EVC2: variants seen among roughly 807,000 people sequenced by gnomAD.
EVC2 encodes EvC ciliary complex subunit 2.
EVC2 carries 148 observed loss-of-function variants against 149.3 expected under a neutral mutation model. The observed-to-expected ratio is 0.99, with a 90% confidence interval of 0.87 to 1.14. The LOEUF (loss-of-function observed/expected upper bound fraction) is 1.14, where lower values mean the gene tolerates loss of function less well. Among genes scored for constraint, EVC2 ranks in the 50% most tolerant of loss-of-function variants. EVC2 has a pLI of 0.00. For synonymous variants in EVC2, 776 were observed against 649.9 expected, an observed-to-expected ratio of 1.19 and a Z score of -2.95; for missense variants, 1,854 against 1,627.3, an observed-to-expected ratio of 1.14 and a Z score of -2.40.
chr4:5,538,590 A>C (rs1721461078), downstream of EVC2, among the ~76,000 whole-genome samples: 1 of 152,180 alleles, frequency 6.6e-6, no homozygotes, highest in Non-Finnish European at 1.5e-5. Context: ...GCAAATAGAA[A>C]CTAACAATAG....
chr4:5,644,638 T>A (rs1717580681), intron 9 of EVC2, among the ~76,000 whole-genome samples: 1 of 152,192 alleles, frequency 6.6e-6, no homozygotes, highest in South Asian at 2.1e-4. Flanking sequence ...TCAGTGGTAA[T>A]AAATATCTTT....
Position 5,679,906 on chromosome 4 carries a change from GTTCCT to G in EVC2, c.870+1349_870+1353del, listed in dbSNP as rs1339808145. Among the ~76,000 whole-genome samples the G allele has an allele frequency of 1.3e-5, 2 of 151,954 alleles. No individual in the cohort carries two copies. The highest frequency in any genetic ancestry group is 1.5e-5 in the Non-Finnish European group (1 of 68,024). On this transcript the variant is annotated intron_variant, in intron 7 of 21. Transcript: ENST00000344408. This position sits in a 1 kb window ranked among gnomAD's most constrained non-coding sequence, Gnocchi z 5.1. ...CACACTGTACAGCTATACAAAAATA[GTTCCT>G]TTCTTTATATCCTTACTCTGTAAGC...
chr4:5,619,894 T>A lies in EVC2; in HGVS notation c.2502-1212A>T, dbSNP rs114274253. Among the ~76,000 whole-genome samples, 189 of 152,348 alleles carry A rather than the reference T, an allele frequency of 1.2e-3. 1 individual carries two copies. The highest frequency in any genetic ancestry group is 1.9e-3 in the Admixed American group (29 of 15,306). ...TAGATGTGTTTGAATGTTCTGGTAA[T>A]GTTCTGTCAATGCAGCCAGCATTGA... is the stretch of plus-strand genomic sequence containing the variant. On this transcript the variant is annotated intron_variant, in intron 14 of 21. Transcript: ENST00000344408.
chr4:5,659,933 CTTTTCA>C (rs1212649217), intron 9 of EVC2, among the ~76,000 whole-genome samples: 1 of 152,198 alleles, frequency 6.6e-6, no homozygotes, highest in Non-Finnish European at 1.5e-5. Flanking sequence ...TTTCACTCTA[CTTTTCA>C]TTTTCATGTT....
At chr4:5,695,241 G>A (rs1293072778) in intron 2 of EVC2, among the ~76,000 whole-genome samples, 1 of 151,928 alleles carries the variant, frequency 6.6e-6, no homozygotes, top group Non-Finnish European at 1.5e-5. Context: ...CCAGCTATTC[G>A]GGAGGGTGAG....
In EVC2 at chr4:5,679,742, C is replaced by T. The variant is rs746094360; in HGVS notation, c.870+1518G>A. Among the ~76,000 whole-genome samples, 2 of 151,976 alleles carry T rather than the reference C, an allele frequency of 1.3e-5. No individual in the cohort carries two copies. The highest frequency in any genetic ancestry group is 1.5e-5 in the Non-Finnish European group (1 of 68,018). The stretch of plus-strand genomic sequence containing the variant: ...ATCAACCTGTCATCTAGGTTTTAAG[C>T]CCCACATGTAATTGCCCTTGCCCCC... On this transcript the variant is annotated intron_variant, in intron 7 of 21. Transcript: ENST00000344408. This position sits in a 1 kb window ranked among gnomAD's most constrained non-coding sequence, Gnocchi z 5.1.
chr4:5,572,487 G>A (rs1722697771), intron 19 of EVC2, among the ~76,000 whole-genome samples: 1 of 152,080 alleles, frequency 6.6e-6, no homozygotes, highest in Non-Finnish European at 1.5e-5. Context: ...GCCACATAAG[G>A]ACCCGGCTTT....
At chr4:5,544,487 C>T (rs1240264369) in intron 21 of EVC2, among the ~76,000 whole-genome samples, 1 of 152,182 alleles carries the variant, frequency 6.6e-6, no homozygotes, top group African/African-American at 2.4e-5. Flanking sequence ...ACTCATTAGC[C>T]TTCAAAACAA....
At chr4:5,707,864 A>G (rs1722317156) in intron 1 of EVC2, among the ~76,000 whole-genome samples, 1 of 152,082 alleles carries the variant, frequency 6.6e-6, no homozygotes, top group South Asian at 2.1e-4. Context: ...CCCACTTTTA[A>G]AAACCGCTGC....
intron 21 of EVC2, among the ~76,000 whole-genome samples, chr4:5,549,737 T>TAACTGAATG (rs551584545): frequency 1.2e-3 from 177 of 152,174 alleles, no homozygotes; most frequent in African/African-American, 4.1e-3. Flanking sequence ...TAGAAGTAAA[T>TAACTGAATG]AACTGAATGA....
chr4:5,532,478 C>A, the EVC2 span, among the ~76,000 whole-genome samples: 1 of 152,190 alleles, frequency 6.6e-6, no homozygotes, highest in African/African-American at 2.4e-5. Context: ...CCCAGTATCA[C>A]ACAGATACAA....
rs375534154 is a variant in EVC2 at position 5,697,651 on chromosome 4, A to C, written c.229-4T>G. The C allele has an allele frequency of 6.6e-5, 107 of 1,614,094 alleles. No homozygotes were observed. In the African/African-American group the frequency reaches 1.3e-3, roughly 20 times the overall value. On this transcript the variant is annotated splice_polypyrimidine_tract_variant and splice_region_variant and intron_variant, in intron 1 of 21. Transcript: ENST00000344408. The stretch of plus-strand genomic sequence containing the variant: ...GCCAAATCATACAGGGCAAGTCCTA[A>C]AAAATTCAAGACACAAAGTCATTAA...
In EVC2 at chr4:5,625,922, A is replaced by G; in HGVS notation, c.1887-14T>C. ...AGGTACCCTGCTCTAGATGGAAAGG[A>G]TGTAAAGTTAGGAATGTGGTCTCCA... On this transcript the variant is annotated splice_polypyrimidine_tract_variant and intron_variant, in intron 12 of 21. Transcript: ENST00000344408. This position sits in a 1 kb window ranked among gnomAD's most constrained non-coding sequence, Gnocchi z 4.0. The G allele has an allele frequency of 6.2e-7, 1 of 1,613,740 alleles. No individual in the cohort carries two copies. The highest frequency in any genetic ancestry group is 8.5e-7 in the Non-Finnish European group (1 of 1,179,934).
chr4:5,537,563 A>C, the EVC2 span, among the ~76,000 whole-genome samples: 1 of 152,198 alleles, frequency 6.6e-6, no homozygotes, highest in Admixed American at 6.5e-5. Context: ...TAAACTCAAA[A>C]GGATCAAAGT....
intron 1 of EVC2, among the ~76,000 whole-genome samples, chr4:5,699,198 T>A (rs1577271322): frequency 6.6e-6 from 1 of 151,854 alleles, no homozygotes; most frequent in African/African-American, 2.4e-5. Context: ...AGGCAAGAGG[T>A]GTGGGAAGAG....
chr4:5,668,363 C>T (rs1052372395), intron 7 of EVC2, among the ~76,000 whole-genome samples: 1 of 152,182 alleles, frequency 6.6e-6, no homozygotes, highest in Non-Finnish European at 1.5e-5. Flanking sequence ...TTTGATAAAT[C>T]AGCCTCTGTC....
chr4:5,584,971 A>C (rs1712150718), intron 16 of EVC2, 121 bp from the exon 17 acceptor site: 1 of 1,058,000 alleles, frequency 9.5e-7, no homozygotes, highest in Admixed American at 2.0e-5. Context: ...AAAGTTTACA[A>C]TGGAGACGCA....
intron 16 of EVC2, among the ~76,000 whole-genome samples, chr4:5,607,469 T>C (rs575383818): frequency 2.0e-5 from 3 of 152,232 alleles, no homozygotes; most frequent in Non-Finnish European, 4.4e-5. Context: ...TGTGCATTTG[T>C]AATCAGTCCA....
At chr4:5,631,010 G>A (rs73198174) in intron 11 of EVC2, among the ~76,000 whole-genome samples, 5,304 of 152,246 alleles carry the variant, frequency 0.035, 238 homozygotes, top group African/African-American at 0.11. Flanking sequence ...GCATGCACTT[G>A]TGCATGTAAA....
Sources: gnomAD v4.1 joint callset for allele counts (sites outside exome capture counted in the v4.1 genomes callset) on GRCh38, gnomAD v4.1.1 for gene constraint, Gnocchi (gnomAD v3.1) non-coding constraint, MANE v1.5 for transcripts, NCBI Gene and HGNC (gene_info 2026-07-23, HGNC 2026-07-21) for gene names.